The following ARHGEF11 variants were observed in gnomAD, a reference collection of about 807,000 sequenced individuals.
ARHGEF11 encodes the protein Rho guanine nucleotide exchange factor 11.
Under a neutral mutation model 193.7 loss-of-function variants are expected in ARHGEF11, and 55 were observed. The ratio of observed to expected loss-of-function variants is 0.28; its 90% CI spans 0.23 to 0.36. The LOEUF (loss-of-function observed/expected upper bound fraction) is 0.36. Ranked by LOEUF, ARHGEF11 falls within the 10% of genes least tolerant of loss-of-function variation. ARHGEF11 has a pLI of 1.00. For synonymous variants in ARHGEF11, 693 were observed against 768.0 expected, an observed-to-expected ratio of 0.90 and a Z score of 1.62; for missense variants, 1,723 against 2,005.6, an observed-to-expected ratio of 0.86 and a Z score of 2.69.
Position 157,017,082 on chromosome 1 carries a change from T to A in ARHGEF11, c.32+27217A>T, listed in dbSNP as rs565777887. Among the ~76,000 whole-genome samples the A allele has an allele frequency of 4.6e-5, 7 of 152,280 alleles. No homozygotes were observed. The South Asian group carries it at 1.5e-3, about 32-fold the overall frequency. On this transcript the variant is annotated intron_variant, in intron 1 of 40. Transcript: ENST00000368194. ...TGATAAAGATGTATTCCTTTCAGGC[T>A]CCCCATAATAATAAAGCAAATATGG...
At chr1:156,957,933 GGAGAGAAGTACGTCT>G in intron 17 of ARHGEF11, 118 bp from the exon 18 acceptor site, 2 of 909,186 alleles carry the variant, frequency 2.2e-6, no homozygotes, top group Non-Finnish European at 3.6e-6. Flanking sequence ...TGGGGGAAAA[GGAGAGAAGTACGTCT>G]GATGCACAAG....
At chr1:156,988,211 G>A (rs1262061879) in intron 1 of ARHGEF11, among the ~76,000 whole-genome samples, 4 of 152,178 alleles carry the variant, frequency 2.6e-5, no homozygotes, top group African/African-American at 7.2e-5. Flanking sequence ...CGTACAGACA[G>A]GCAAGGTTGG....
At chr1:156,970,124 T>G in intron 8 of ARHGEF11, 81 bp from the exon 9 acceptor site, 1 of 1,276,070 alleles carries the variant, frequency 7.8e-7, no homozygotes, top group African/African-American at 1.5e-5. Flanking sequence ...CAGTGCCTTA[T>G]TTGCTTACAA....
At chr1:156,944,299 A>G (rs757678264) in intron 31 of ARHGEF11, 59 bp downstream of exon 31, 6 of 1,552,718 alleles carry the variant, frequency 3.9e-6, no homozygotes, top group Non-Finnish European at 5.3e-6. Flanking sequence ...AAGACAGAAG[A>G]GCCCAGGGAG....
In ARHGEF11 at chr1:156,935,488, A is replaced by C. The variant is rs890963861; in HGVS notation, c.*512T>G. On this transcript the variant is annotated 3_prime_UTR_variant, in exon 41 of 41. Coordinates refer to ENST00000368194, the MANE Select transcript of ARHGEF11 (RefSeq NM_198236.3). ...CAGCACTTCAGGAACAGGAACAAAAAAGGTCAAAGTTATTTACAATAGCAA... is the reference window on the plus strand; with the variant it reads ...CAGCACTTCAGGAACAGGAACAAAACAGGTCAAAGTTATTTACAATAGCAA... The C allele has an allele frequency of 6.5e-6, 1 of 152,698 alleles. No homozygotes were observed. The highest frequency in any genetic ancestry group is 2.4e-5 in the African/African-American group (1 of 41,482). 9.5% of individuals were successfully genotyped at this position (152,698 alleles called of 1,614,324 possible).
intron 1 of ARHGEF11, among the ~76,000 whole-genome samples, chr1:157,003,482 G>A (rs759693696): frequency 2.6e-5 from 4 of 152,234 alleles, no homozygotes; most frequent in Non-Finnish European, 5.9e-5. Context: ...AGCATCTGCT[G>A]AGTAGCAGGT....
In ARHGEF11 at chr1:156,948,850, T is replaced by C. The variant is rs986705231; in HGVS notation, c.1926-352A>G. ...CACCATGCTTCTGTCAAGAAGGTGG[T>C]AGACATCATCGTCCCTCAACAGGGA... On this transcript the variant is annotated intron_variant, in intron 22 of 40. Transcript: ENST00000368194. The surrounding 1 kb of genome is among the most constrained non-coding windows in gnomAD (Gnocchi z 4.2). 7 of 985,332 alleles carry C rather than the reference T, an allele frequency of 7.1e-6. No homozygotes were observed. The highest frequency in any genetic ancestry group is 5.2e-4 in the Middle Eastern group (1 of 1,914). The allele number at this position is 985,332 out of a possible 1,614,324, so 61.0% of individuals were successfully genotyped here. A position where few individuals can be genotyped will look rare whatever the true frequency, so the allele number is the denominator to read the frequency against.
In ARHGEF11 at chr1:156,963,509, G is replaced by C. The variant is rs116510579; in HGVS notation, c.1038+11C>G. On this transcript the variant is annotated intron_variant, in intron 12 of 40. Coordinates refer to ENST00000368194, the MANE Select transcript of ARHGEF11 (RefSeq NM_198236.3). ...AAAAATGATGAAAGGAGAAAACTAG[G>C]AAACCGTTACCTCGTTGTTGAAATA... 6,803 of 1,610,608 alleles carry C rather than the reference G, an allele frequency of 4.2e-3. 254 individuals are homozygous for C. The African/African-American group carries it at 0.079, about 19-fold the overall frequency.
chr1:156,943,878 C>A (rs1657586418), intron 32 of ARHGEF11, 57 bp downstream of exon 32: 1 of 1,562,424 alleles, frequency 6.4e-7, no homozygotes, highest in Non-Finnish European at 8.7e-7. Context: ...CCTCACCCAG[C>A]ACTTGCTGGA....
Position 156,948,949 on chromosome 1 carries a change from C to CTT in ARHGEF11, c.1926-453_1926-452dup. The CTT allele has an allele frequency of 3.0e-6, 3 of 985,432 alleles. 1 individual carries two copies. Among genetic ancestry groups the CTT allele is most frequent in the South Asian group, 9.4e-5 (2 of 21,282 alleles). The allele number at this position is 985,432 out of a possible 1,614,324, so 61.0% of individuals were successfully genotyped here. A position where few individuals can be genotyped will look rare whatever the true frequency, so the allele number is the denominator to read the frequency against. On this transcript the variant is annotated intron_variant, in intron 22 of 40. Transcript: ENST00000368194. This position sits in a 1 kb window ranked among gnomAD's most constrained non-coding sequence, Gnocchi z 4.2. ...TGCTTTGGAACGGGTCAGCTCCCACCTTTAACTCTGCCTGAGGCGAACCTC... is the reference window on the plus strand; with the variant it reads ...TGCTTTGGAACGGGTCAGCTCCCACCTTTTTAACTCTGCCTGAGGCGAACCTC...
intron 31 of ARHGEF11, 41 bp from the exon 32 acceptor site, chr1:156,944,143 A>G (rs1356743911): frequency 6.2e-7 from 1 of 1,600,094 alleles, no homozygotes; most frequent in Non-Finnish European, 8.5e-7. Flanking sequence ...CCTGGTGCCT[A>G]CTCATCCCTC....
intron 27 of ARHGEF11, 26 bp downstream of exon 27, chr1:156,946,910 C>T: frequency 6.2e-7 from 1 of 1,613,778 alleles, no homozygotes; most frequent in South Asian, 1.1e-5. Context: ...TCCTCCTTGC[C>T]AAGAGGGAGA....
chr1:156,947,525 C>T, intron 25 of ARHGEF11, 75 bp from the exon 26 acceptor site: 1 of 1,461,756 alleles, frequency 6.8e-7, no homozygotes, highest in East Asian at 2.5e-5. Context: ...AGTCCCTGAC[C>T]TGGTTCCCAC....
chr1:156,948,836 T>C lies in ARHGEF11; in HGVS notation c.1926-338A>G, dbSNP rs538431321. ...CCAGAGGCCTGAGACACCATGCTTC[T>C]GTCAAGAAGGTGGTAGACATCATCG... On this transcript the variant is annotated intron_variant, in intron 22 of 40. Coordinates refer to ENST00000368194, the MANE Select transcript of ARHGEF11 (RefSeq NM_198236.3). This position sits in a 1 kb window ranked among gnomAD's most constrained non-coding sequence, Gnocchi z 4.2. 7.6e-4 allele frequency: 748 copies of C among 985,418 alleles called. No homozygotes were observed. Among genetic ancestry groups the C allele is most frequent in the Non-Finnish European group, 8.7e-4 (719 of 829,922 alleles). 61.0% of individuals were successfully genotyped at this position (985,418 alleles called of 1,614,324 possible).
At chr1:156,936,495 AAAAT>A (rs1282827069) in intron 40 of ARHGEF11, among the ~76,000 whole-genome samples, 935 of 57,012 alleles carry the variant, frequency 0.016, 6 homozygotes, top group Non-Finnish European at 0.021. Context: ...AAAAAAAAAA[AAAAT>A]ATATATATAT....
In ARHGEF11 at chr1:156,945,088, C is replaced by T. The variant is rs771020051; in HGVS notation, c.2922G>A (p.Glu974=). 1 of 1,614,222 alleles carries T rather than the reference C, an allele frequency of 6.2e-7. No homozygotes were observed. Residue 974 remains glutamate, a synonymous_variant, in exon 30 of 41, where the codon GAG becomes GAA. Coordinates refer to ENST00000368194, the MANE Select transcript of ARHGEF11 (RefSeq NM_198236.3). ...VKQTENRHRL[E]GYQKRLDATA... ...TGGCATCCAGGCGTTTCTGGTAGCC[C>T]TCTAAACGGTGGCGGTTCTCTGTTT...
intron 1 of ARHGEF11, among the ~76,000 whole-genome samples, chr1:157,009,473 G>A (rs1203258544): frequency 1.3e-5 from 2 of 152,178 alleles, no homozygotes; most frequent in Non-Finnish European, 2.9e-5. Flanking sequence ...GAGAAGTTAA[G>A]TCCAAATCCA....
chr1:157,024,486 G>T (rs752266953), intron 1 of ARHGEF11, among the ~76,000 whole-genome samples: 1 of 152,130 alleles, frequency 6.6e-6, no homozygotes, highest in Non-Finnish European at 1.5e-5. Flanking sequence ...ATACACAAGG[G>T]ATTATTATGA....
At chr1:157,034,011 C>A (rs1320371303) in intron 1 of ARHGEF11, among the ~76,000 whole-genome samples, 3 of 152,206 alleles carry the variant, frequency 2.0e-5, no homozygotes, top group Non-Finnish European at 1.5e-5. Context: ...ATGCCTAGCA[C>A]TACGATAAGT....
Sources: allele counts gnomAD v4.1 joint callset (sites outside exome capture counted in the v4.1 genomes callset), GRCh38; gene constraint gnomAD v4.1.1; non-coding constraint Gnocchi (gnomAD v3.1); transcripts MANE v1.5; gene names NCBI Gene and HGNC (gene_info 2026-07-23, HGNC 2026-07-21).